The following NRF1 variants were observed in gnomAD, a reference collection of about 807,000 sequenced individuals.
The protein encoded by NRF1 is alpha palindromic-binding protein.
A neutral mutation model predicts 58.5 loss-of-function variants in NRF1; 5 were observed. The observed-to-expected ratio is 0.09, with a 90% confidence interval of 0.04 to 0.18. NRF1 has a LOEUF of 0.18. NRF1 is among the 10% of genes least tolerant of loss of function. The pLI is 1.00. For missense variants in NRF1, 288 were observed against 657.7 expected (o/e 0.44, Z 6.15); for synonymous variants, 224 against 246.7 (o/e 0.91, Z 0.86).
intron 5 of NRF1, among the ~76,000 whole-genome samples, chr7:129,690,989 A>G (rs1802553368): frequency 6.6e-6 from 1 of 152,198 alleles, no homozygotes; most frequent in African/African-American, 2.4e-5. Context: ...TTCCGCAAGA[A>G]TGTAAAAGTC....
chr7:129,630,580 T>C (rs1801026053), intron 1 of NRF1, among the ~76,000 whole-genome samples: 1 of 152,206 alleles, frequency 6.6e-6, no homozygotes, highest in Admixed American at 6.5e-5. Flanking sequence ...AAATACATTT[T>C]GTTGTTCCTC....
chr7:129,618,342 A>T (rs562633096), intron 1 of NRF1, among the ~76,000 whole-genome samples: 2 of 152,282 alleles, frequency 1.3e-5, no homozygotes, highest in African/African-American at 4.8e-5. Flanking sequence ...TTTGGGCTGG[A>T]GCTCAAGGGG....
At chr7:129,662,763 TA>T (rs537130296) in intron 2 of NRF1, among the ~76,000 whole-genome samples, 77 of 152,178 alleles carry the variant, frequency 5.1e-4, no homozygotes, top group African/African-American at 1.6e-3. Context: ...TTTATTTATT[TA>T]TTTTAGTATT....
intron 1 of NRF1, among the ~76,000 whole-genome samples, chr7:129,651,699 A>C (rs1178494558): frequency 1.3e-5 from 2 of 152,192 alleles, no homozygotes; most frequent in African/African-American, 4.8e-5. Flanking sequence ...GTTTGTCTCG[A>C]AGAACAGTGA....
intron 9 of NRF1, among the ~76,000 whole-genome samples, chr7:129,720,878 T>A (rs545736107): frequency 6.6e-6 from 1 of 152,080 alleles, no homozygotes; most frequent in East Asian, 1.9e-4. Flanking sequence ...TAATTTTCAT[T>A]TTCAAAATAA....
At chr7:129,713,830 T>C (rs549856032) in intron 8 of NRF1, among the ~76,000 whole-genome samples, 1 of 152,310 alleles carries the variant, frequency 6.6e-6, no homozygotes, top group South Asian at 2.1e-4. Context: ...GAGCTTAGAC[T>C]AGAGTGGGAA....
At chr7:129,666,114 T>G (rs1253063880) in intron 2 of NRF1, among the ~76,000 whole-genome samples, 1 of 152,214 alleles carries the variant, frequency 6.6e-6, no homozygotes, top group Non-Finnish European at 1.5e-5. Flanking sequence ...GTATCAAGAT[T>G]GACATAACAA....
chr7:129,695,588 A>AC (rs398048127), intron 5 of NRF1, among the ~76,000 whole-genome samples: 5 of 150,536 alleles, frequency 3.3e-5, no homozygotes, highest in African/African-American at 9.7e-5. Context: ...AAAAAAAAAA[A>AC]CAAAAAAAAC....
intron 5 of NRF1, among the ~76,000 whole-genome samples, chr7:129,690,981 C>T (rs1259775886): frequency 6.6e-6 from 1 of 152,174 alleles, no homozygotes; most frequent in African/African-American, 2.4e-5. Flanking sequence ...CAGCTTCCTT[C>T]CGCAAGAATG....
intron 6 of NRF1, among the ~76,000 whole-genome samples, chr7:129,709,964 A>G (rs1292552781): frequency 1.3e-5 from 2 of 152,120 alleles, no homozygotes; most frequent in African/African-American, 4.8e-5. Context: ...TCCCGACCTC[A>G]GGCCATCCGC....
chr7:129,749,568 T>G (rs1431666839), intron 10 of NRF1, among the ~76,000 whole-genome samples: 1 of 152,184 alleles, frequency 6.6e-6, no homozygotes, highest in African/African-American at 2.4e-5. Flanking sequence ...ACCTGAAGTT[T>G]CTGAGTCACC....
intron 1 of NRF1, among the ~76,000 whole-genome samples, chr7:129,634,061 T>TATACACACAC (rs764569771): frequency 2.8e-4 from 37 of 131,466 alleles, no homozygotes; most frequent in East Asian, 2.1e-3. Flanking sequence ...TATATATATA[T>TATACACACAC]ACACACACAC....
chr7:129,735,300 C>T (rs1301598234), intron 10 of NRF1: 10 of 897,502 alleles, frequency 1.1e-5, no homozygotes, highest in South Asian at 1.0e-4. Context: ...GGGATGCCGA[C>T]GCGGGCGGAT....
chr7:129,652,517 A>G (rs1584609392), intron 1 of NRF1, among the ~76,000 whole-genome samples: 1 of 152,218 alleles, frequency 6.6e-6, no homozygotes, highest in Non-Finnish European at 1.5e-5. Flanking sequence ...AATATACAAG[A>G]TTTTTAATAA....
At chr7:129,713,862 A>G (rs902716084) in intron 8 of NRF1, among the ~76,000 whole-genome samples, 1 of 152,216 alleles carries the variant, frequency 6.6e-6, no homozygotes, top group Non-Finnish European at 1.5e-5. Flanking sequence ...AAGGAGAGGG[A>G]TGGGAGTTCT....
intron 9 of NRF1, among the ~76,000 whole-genome samples, chr7:129,724,710 C>T (rs750402434): frequency 3.3e-5 from 5 of 152,080 alleles, no homozygotes; most frequent in African/African-American, 9.7e-5. Flanking sequence ...ACAAATGCTA[C>T]GATGTGGATG....
chr7:129,646,983 T>A (rs986053072), intron 1 of NRF1, among the ~76,000 whole-genome samples: 1 of 152,216 alleles, frequency 6.6e-6, no homozygotes, highest in Non-Finnish European at 1.5e-5. Context: ...GATAGATCTA[T>A]TCATAGAGAC....
intron 10 of NRF1, among the ~76,000 whole-genome samples, chr7:129,748,298 AC>A (rs1554418217): frequency 1.1e-4 from 16 of 149,212 alleles, no homozygotes; most frequent in South Asian, 2.1e-4. Flanking sequence ...AAAAAAAAAG[AC>A]AGTCTTGCCA....
intron 3 of NRF1, among the ~76,000 whole-genome samples, chr7:129,675,811 C>T (rs1459906359): frequency 6.6e-6 from 1 of 152,140 alleles, no homozygotes; most frequent in Non-Finnish European, 1.5e-5. Flanking sequence ...TTAAAGGACC[C>T]TAAAGTCACT....
Sources: gnomAD v4.1 joint callset for allele counts (sites outside exome capture counted in the v4.1 genomes callset) on GRCh38, gnomAD v4.1.1 for gene constraint, MANE v1.5 for transcripts, NCBI Gene and HGNC (gene_info 2026-07-23, HGNC 2026-07-21) for gene names.